Variants in ZBTB8B observed in about 807,000 individuals in gnomAD.
ZBTB8B encodes the protein zinc finger and BTB domain-containing protein 8B.
In ZBTB8B, 17 loss-of-function variants were observed where a neutral mutation model predicts 30.3. The ratio of observed to expected loss-of-function variants is 0.56; its 90% CI spans 0.38 to 0.84. The LOEUF is 0.84. ZBTB8B is among the 40% of genes least tolerant of loss of function. The pLI is 0.00. For synonymous variants in ZBTB8B, 248 were observed against 255.6 expected (o/e 0.97, Z 0.28); for missense variants, 515 against 644.9 (o/e 0.80, Z 2.18).
chr1:32,477,158 T>C (rs936758294), intron 2 of ZBTB8B, among the ~76,000 whole-genome samples: 4 of 152,234 alleles, frequency 2.6e-5, no homozygotes, highest in Admixed American at 2.6e-4. Flanking sequence ...TAACCTCTTC[T>C]GTGAAATCTT....
Position 32,493,857 on chromosome 1 carries a change from G to T in ZBTB8B, c.*8439G>T, listed in dbSNP as rs2148190233. 1 of 152,206 alleles carries T rather than the reference G, an allele frequency of 6.6e-6. No homozygotes were observed. Among genetic ancestry groups the T allele is most frequent in the Non-Finnish European group, 1.5e-5 (1 of 68,020 alleles). The allele number at this position is 152,206 out of a possible 1,614,324, so 9.4% of individuals were successfully genotyped here. A position where few individuals can be genotyped will look rare whatever the true frequency, so the allele number is the denominator to read the frequency against. ...GTGACAGATGGGGAGGAGCCCCACTGCATCTGGAGTGGGTCTTGGCTGGCC... is the reference window on the plus strand; with the variant it reads ...GTGACAGATGGGGAGGAGCCCCACTTCATCTGGAGTGGGTCTTGGCTGGCC... On this transcript the variant is annotated 3_prime_UTR_variant, in exon 4 of 4. Transcript: ENST00000609129.
intron 2 of ZBTB8B, among the ~76,000 whole-genome samples, chr1:32,476,780 C>A (rs1257827401): frequency 1.4e-5 from 2 of 147,770 alleles, no homozygotes; most frequent in African/African-American, 2.5e-5. Context: ...CAGAGCGAGA[C>A]TCTGTCTCAA....
In ZBTB8B at chr1:32,470,999, C is replaced by A. The variant is rs1300027323; in HGVS notation, c.375C>A (p.Cys125Ter). The change falls in exon 2 of 4, where the codon TGC becomes TGA. Residue 125 changes from cysteine (C) to a stop codon, truncating the protein, a stop_gained. Coordinates refer to ENST00000609129, the MANE Select transcript of ZBTB8B (RefSeq NM_001145720.2). LOFTEE classifies it high-confidence loss of function. ...ACATTAGGTCATCCCTCGACATTTG[C>A]CGAAAGATGGAGAAGGAGGCTGCTG... ...KTYIRSSLDI[C>*]RKMEKEAAVA... is the part of the protein sequence containing the mutation. 1 of 1,552,064 alleles carries A rather than the reference C, an allele frequency of 6.4e-7. No homozygotes were observed. The highest frequency in any genetic ancestry group is 8.7e-7 in the Non-Finnish European group (1 of 1,147,116).
In ZBTB8B at chr1:32,485,461, G is replaced by A; in HGVS notation, c.*43G>A. ...AGAGGAGGTTTTAAAACTTGTTAGTGCTCGTTCTGTTGTTGAAAGATACCA... is the reference window on the plus strand; with the variant it reads ...AGAGGAGGTTTTAAAACTTGTTAGTACTCGTTCTGTTGTTGAAAGATACCA... On this transcript the variant is annotated 3_prime_UTR_variant, in exon 4 of 4. Transcript: ENST00000609129. The A allele has an allele frequency of 6.6e-7, 1 of 1,519,934 alleles. No homozygotes were observed. The highest frequency in any genetic ancestry group is 8.9e-7 in the Non-Finnish European group (1 of 1,124,808). The allele number at this position is 1,519,934 out of a possible 1,614,324, so 94.2% of individuals were successfully genotyped here. A position where few individuals can be genotyped will look rare whatever the true frequency, so the allele number is the denominator to read the frequency against.
Position 32,471,573 on chromosome 1 carries a change from T to G in ZBTB8B, c.949T>G (p.Ser317Ala), listed in dbSNP as rs1226387011. 5 of 1,551,734 alleles carry G rather than the reference T, an allele frequency of 3.2e-6. No individual in the cohort carries two copies. Among genetic ancestry groups the G allele is most frequent in the Non-Finnish European group, 4.4e-6 (5 of 1,146,976 alleles). The stretch of plus-strand genomic sequence containing the variant: ...AGAAGGTGCAGGAGTAGCCATGAGT[T>G]CCATGATGGATGTCCAGGCTGACTG... Reference protein sequence around the residue: ...RPEGAGVAMSSMMDVQADWYG... With the variant: ...RPEGAGVAMSAMMDVQADWYG... The change falls in exon 2 of 4, where the codon TCC (serine) becomes GCC (alanine). Residue 317 changes from serine to alanine, a missense_variant. Around this residue, in one of 3 missense-constraint regions of ZBTB8B, gnomAD observed 429 missense variants for 504.3 expected, o/e 0.85. Transcript: ENST00000609129.
At chr1:32,468,793 G>A (rs907947526) in intron 1 of ZBTB8B, among the ~76,000 whole-genome samples, 20 of 151,580 alleles carry the variant, frequency 1.3e-4, no homozygotes, top group African/African-American at 3.6e-4. Context: ...TATGGAAGGC[G>A]GAGGTTGCAG....
At chr1:32,477,064 G>C (rs545548787) in intron 2 of ZBTB8B, among the ~76,000 whole-genome samples, 71 of 152,170 alleles carry the variant, frequency 4.7e-4, no homozygotes, top group Non-Finnish European at 7.9e-4. Flanking sequence ...GCCTAAGTAC[G>C]TGTTCTTCCT....
intron 3 of ZBTB8B, 138 bp downstream of exon 3, chr1:32,481,207 C>A: frequency 4.4e-6 from 4 of 916,790 alleles, no homozygotes; most frequent in Admixed American, 3.4e-5. Context: ...GTTTTTACTA[C>A]TAAATTAAAG....
At chr1:32,483,943 G>A (rs779953335) in intron 3 of ZBTB8B, among the ~76,000 whole-genome samples, 132 of 151,798 alleles carry the variant, frequency 8.7e-4, no homozygotes, top group Admixed American at 2.6e-4. Context: ...GGTGGCTCAC[G>A]CTTGAAATCT....
In ZBTB8B at chr1:32,465,554, C is replaced by G. The variant is rs1235906107; in HGVS notation, c.-42+449C>G. 2.0e-5 allele frequency among the ~76,000 whole-genome samples: 3 copies of G among 152,204 alleles called. No homozygotes were observed. The highest frequency in any genetic ancestry group is 7.2e-5 in the African/African-American group (3 of 41,454). ...TGGCCTCTCTGCAGGTCGTCTGATG[C>G]TGGACGGGGGAGGGTCTGTCTTGCG... On this transcript the variant is annotated intron_variant, in intron 1 of 3. Coordinates refer to ENST00000609129, the MANE Select transcript of ZBTB8B (RefSeq NM_001145720.2). The surrounding 1 kb of genome is among the most constrained non-coding windows in gnomAD (Gnocchi z 4.1).
rs1036259113 is a variant in ZBTB8B, at chr1:32,488,922, G to C, written c.*3504G>C. 1 of 152,086 alleles carries C rather than the reference G, an allele frequency of 6.6e-6. No individual in the cohort carries two copies. Among genetic ancestry groups the C allele is most frequent in the East Asian group, 1.9e-4 (1 of 5,192 alleles). The allele number at this position is 152,086 out of a possible 1,614,324, so 9.4% of individuals were successfully genotyped here. On this transcript the variant is annotated 3_prime_UTR_variant, in exon 4 of 4. Transcript: ENST00000609129. ...AGAGATTCTTCTGTCTCAGCCTCTT[G>C]AGTAGTTGGGATTATAGGCACGCGC... is the stretch of plus-strand genomic sequence containing the variant.
chr1:32,467,787 G>A (rs1252626123), intron 1 of ZBTB8B, among the ~76,000 whole-genome samples: 1 of 152,074 alleles, frequency 6.6e-6, no homozygotes, highest in Non-Finnish European at 1.5e-5. Context: ...GAATCAGTCA[G>A]TTAGGAGTCT....
rs1438232628 is a variant in ZBTB8B, at chr1:32,485,082, T to A, written c.1171-19T>A. 2 of 1,549,044 alleles carry A rather than the reference T, an allele frequency of 1.3e-6. No individual in the cohort carries two copies. The highest frequency in any genetic ancestry group is 1.7e-6 in the Non-Finnish European group (2 of 1,144,534). ...ATCTCCTTTTCTGTGACATCTACTG[T>A]GTCTGCTTGTGATTACAGGTCCACA... On this transcript the variant is annotated intron_variant, in intron 3 of 3. Coordinates refer to ENST00000609129, the MANE Select transcript of ZBTB8B (RefSeq NM_001145720.2).
Position 32,471,593 on chromosome 1 carries a change from T to A in ZBTB8B, c.969T>A (p.Ala323=). 1 of 1,551,588 alleles carries A rather than the reference T, an allele frequency of 6.4e-7. No homozygotes were observed. The highest frequency in any genetic ancestry group is 8.7e-7 in the Non-Finnish European group (1 of 1,146,854). Residue 323 remains alanine, a synonymous_variant, in exon 2 of 4, where the codon GCT becomes GCA. Coordinates refer to ENST00000609129, the MANE Select transcript of ZBTB8B (RefSeq NM_001145720.2). ...VAMSSMMDVQ[A]DWYGEDSGDV... is the part of the protein sequence containing the mutation. ...TGAGTTCCATGATGGATGTCCAGGC[T>A]GACTGGTATGGAGAGGACTCAGGTG...
chr1:32,475,527 A>G (rs1263978743), intron 2 of ZBTB8B, among the ~76,000 whole-genome samples: 2 of 152,144 alleles, frequency 1.3e-5, no homozygotes, highest in Admixed American at 6.6e-5. Context: ...CGGAGGTTGC[A>G]GTGAGCCAAG....
Position 32,470,575 on chromosome 1 carries a change from TC to T in ZBTB8B, c.-41-8del. ...GATTTGTGAATTAACTTAAGAAAAA[TC>T]TTGGCAGAGATACAGGTTTGCTCTG... On this transcript the variant is annotated splice_region_variant and splice_polypyrimidine_tract_variant and intron_variant, in intron 1 of 3. Transcript: ENST00000609129. The T allele has an allele frequency of 1.5e-6, 2 of 1,365,116 alleles. No individual in the cohort carries two copies. Among genetic ancestry groups the T allele is most frequent in the Non-Finnish European group, 1.9e-6 (2 of 1,044,134 alleles). The allele number at this position is 1,365,116 out of a possible 1,614,324, so 84.6% of individuals were successfully genotyped here. A position where few individuals can be genotyped will look rare whatever the true frequency, so the allele number is the denominator to read the frequency against.
chr1:32,488,710 C>T lies in ZBTB8B; in HGVS notation c.*3292C>T, dbSNP rs1379336757. 1 of 152,180 alleles carries T rather than the reference C, an allele frequency of 6.6e-6. No individual in the cohort carries two copies. The highest frequency in any genetic ancestry group is 1.5e-5 in the Non-Finnish European group (1 of 68,026). The allele number at this position is 152,180 out of a possible 1,614,324, so 9.4% of individuals were successfully genotyped here. A position where few individuals can be genotyped will look rare whatever the true frequency, so the allele number is the denominator to read the frequency against. On this transcript the variant is annotated 3_prime_UTR_variant, in exon 4 of 4. Transcript: ENST00000609129. The stretch of plus-strand genomic sequence containing the variant: ...GATAAAGTAGGATTTTTTAAAGGAT[C>T]TTTAATGAGTGGACTTAATTTTGTG...
intron 2 of ZBTB8B, among the ~76,000 whole-genome samples, chr1:32,473,913 C>G (rs748536658): frequency 6.6e-6 from 1 of 151,946 alleles, no homozygotes; most frequent in East Asian, 1.9e-4. Flanking sequence ...TGCAGTGGTG[C>G]GATCTCAGCT....
chr1:32,474,650 G>A (rs1570256059), intron 2 of ZBTB8B, among the ~76,000 whole-genome samples: 2 of 152,314 alleles, frequency 1.3e-5, no homozygotes, highest in Admixed American at 6.5e-5. Flanking sequence ...CACACCGTGG[G>A]AACTTGTTCA....
Sources: gnomAD v4.1 joint callset for allele counts (sites outside exome capture counted in the v4.1 genomes callset) on GRCh38, gnomAD v4.1.1 for gene constraint, gnomAD v4.1.1 regional missense constraint, Gnocchi (gnomAD v3.1) non-coding constraint, MANE v1.5 for transcripts, NCBI Gene and HGNC (gene_info 2026-07-23, HGNC 2026-07-21) for gene names.